Variants in CHRNB3 observed in about 807,000 individuals in gnomAD.
The protein encoded by CHRNB3 is cholinergic receptor nicotinic beta 3 subunit.
CHRNB3 carries 37 observed loss-of-function variants against 40.6 expected under a neutral mutation model. That is an observed-to-expected ratio of 0.91 (90% CI 0.70 to 1.20). The LOEUF (loss-of-function observed/expected upper bound fraction) is 1.20, where lower values mean the gene tolerates loss of function less well. Among genes scored for constraint, CHRNB3 ranks in the 50% most tolerant of loss-of-function variants. The probability of loss-of-function intolerance (pLI) is 0.00; values close to 1 mark genes in which losing one functional copy is unlikely to be tolerated. For missense variants in CHRNB3, 505 were observed against 551.2 expected (o/e 0.92, Z 0.84); for synonymous variants, 207 against 207.1 (o/e 1.00, Z 0.00).
At chr8:42,709,406 GAAGAAAC>G (rs1470889491) in intron 2 of CHRNB3, among the ~76,000 whole-genome samples, 1,674 of 152,130 alleles carry the variant, frequency 0.011, 34 homozygotes, top group African/African-American at 0.039. Flanking sequence ...TGTGTTCTTA[GAAGAAAC>G]CAGTGAACTT....
chr8:42,726,920 G>A (rs1370012786), intron 3 of CHRNB3, among the ~76,000 whole-genome samples: 1 of 152,130 alleles, frequency 6.6e-6, no homozygotes. Context: ...CCTGGGCCAG[G>A]AGAATCTATA....
rs375375959 is a variant in CHRNB3 at position 42,708,833 on chromosome 8, T to C, written c.169T>C (p.Tyr57His). The C allele has an allele frequency of 3.7e-6, 6 of 1,613,542 alleles. No individual in the cohort carries two copies. The African/African-American group carries it at 8.0e-5, about 22-fold the overall frequency. Residue 57 changes from tyrosine (Y) to histidine (H), a missense_variant, in exon 2 of 6, where the codon TAT becomes CAT. By Grantham distance (83) the Tyr-to-His change is moderately conservative. Transcript: ENST00000289957. ...ACATTCTAATGACACCATAAAAGTA[T>C]ATTTTGGATTGAAAATATCCCAGCT... ...VLHSNDTIKV[Y>H]FGLKISQLVD...
In CHRNB3 at chr8:42,710,424, G is replaced by T. The variant is rs1815995344; in HGVS notation, c.239G>T (p.Trp80Leu). The T allele has an allele frequency of 6.2e-7, 1 of 1,609,756 alleles. No individual in the cohort carries two copies. The highest frequency in any genetic ancestry group is 1.1e-5 in the South Asian group (1 of 90,206). ...EKNQLMTTNV[W>L]LKQEWTDHKL... ...AATCAGCTGATGACAACCAATGTGT[G>T]GCTCAAACAGGTAAATTTCAATCCA... Residue 80 changes from tryptophan (W) to leucine (L), a missense_variant, in exon 3 of 6, where the codon TGG (tryptophan) becomes TTG (leucine). Coordinates refer to ENST00000289957, the MANE Select transcript of CHRNB3 (RefSeq NM_000749.5).
intron 1 of CHRNB3, among the ~76,000 whole-genome samples, chr8:42,706,363 C>G (rs1362686538): frequency 6.6e-6 from 1 of 152,024 alleles, no homozygotes; most frequent in African/African-American, 2.4e-5. Flanking sequence ...GATGGGAAAC[C>G]ATCTGGAGCG....
At chr8:42,727,038 T>C (rs7818409) in intron 3 of CHRNB3, among the ~76,000 whole-genome samples, 8,731 of 152,176 alleles carry the variant, frequency 0.057, 335 homozygotes, top group Middle Eastern at 0.11. Context: ...AAAATTTGCC[T>C]AAAGCTATAA....
At chr8:42,725,831 CT>C (rs1368056737) in intron 3 of CHRNB3, 1 of 821,902 alleles carries the variant, frequency 1.2e-6, no homozygotes, top group Non-Finnish European at 2.1e-6. Context: ...TAAGTTTCCA[CT>C]ATACGCAGCA....
At chr8:42,712,425 T>C (rs969282065) in intron 3 of CHRNB3, among the ~76,000 whole-genome samples, 10 of 152,190 alleles carry the variant, frequency 6.6e-5, no homozygotes, top group African/African-American at 2.4e-4. Context: ...CAGCTTCATT[T>C]CATGTCATCA....
intron 3 of CHRNB3, among the ~76,000 whole-genome samples, chr8:42,719,117 G>T (rs1447812928): frequency 6.6e-6 from 1 of 152,150 alleles, no homozygotes; most frequent in Non-Finnish European, 1.5e-5. Flanking sequence ...CCCTAAGAAG[G>T]GAGAGACAGG....
intron 1 of CHRNB3, 130 bp from the exon 2 acceptor site, chr8:42,708,587 C>A: frequency 1.0e-6 from 1 of 982,792 alleles, no homozygotes. Flanking sequence ...AGTTGCCTTT[C>A]AGGAACTGGG....
At chr8:42,718,403 G>A (rs1243000297) in intron 3 of CHRNB3, among the ~76,000 whole-genome samples, 1 of 152,108 alleles carries the variant, frequency 6.6e-6, no homozygotes, top group African/African-American at 2.4e-5. Flanking sequence ...GCCGAGCATG[G>A]TGGCTCACAC....
At chr8:42,705,510 C>A (rs1396424336) in intron 1 of CHRNB3, 3 of 152,292 alleles carry the variant, frequency 2.0e-5, no homozygotes, top group African/African-American at 7.2e-5. Context: ...TCTCTCACCC[C>A]CTCTTTGCCC....
At chr8:42,709,722 C>A (rs531242345) in intron 2 of CHRNB3, among the ~76,000 whole-genome samples, 1 of 152,314 alleles carries the variant, frequency 6.6e-6, no homozygotes, top group South Asian at 2.1e-4. Flanking sequence ...ACCTCCGTTT[C>A]CCAGGTTCAA....
rs575243586 is a variant in CHRNB3 at position 42,716,119 on chromosome 8, G to A, written c.249+5685G>A. On this transcript the variant is annotated intron_variant, in intron 3 of 5. Coordinates refer to ENST00000289957, the MANE Select transcript of CHRNB3 (RefSeq NM_000749.5). The stretch of plus-strand genomic sequence containing the variant: ...GCCTCCCGAGTAGCTGGGATTAAAG[G>A]CGCCGGCCACCATGCCCAGCTAATT... Among the ~76,000 whole-genome samples, 6 of 151,960 alleles carry A rather than the reference G, an allele frequency of 3.9e-5. No homozygotes were observed. The South Asian group carries it at 1.0e-3, about 26-fold the overall frequency.
chr8:42,697,518 G>A lies in CHRNB3; in HGVS notation c.-29G>A. 1 of 1,603,314 alleles carries A rather than the reference G, an allele frequency of 6.2e-7. No homozygotes were observed. Among genetic ancestry groups the A allele is most frequent in the Non-Finnish European group, 8.5e-7 (1 of 1,170,464 alleles). The stretch of plus-strand genomic sequence containing the variant: ...GAAATGCTCTGTTGTTAAAAAGGAA[G>A]AAACTGTCTTTCTGAAACTGACATC... On this transcript the variant is annotated 5_prime_UTR_variant, in exon 1 of 6. Coordinates refer to ENST00000289957, the MANE Select transcript of CHRNB3 (RefSeq NM_000749.5).
chr8:42,697,406 A>G lies in CHRNB3; in HGVS notation c.-141A>G. On this transcript the variant is annotated 5_prime_UTR_variant, in exon 1 of 6. Coordinates refer to ENST00000289957, the MANE Select transcript of CHRNB3 (RefSeq NM_000749.5). ...CGGCGAGAGGGGTTGAGATTGTTTT[A>G]TTCCACTCCAGGTGTTGCTGTCCTC... 1 of 664,916 alleles carries G rather than the reference A, an allele frequency of 1.5e-6. No individual in the cohort carries two copies. The highest frequency in any genetic ancestry group is 1.8e-5 in the South Asian group (1 of 56,204). The allele number at this position is 664,916 out of a possible 1,614,324, so 41.2% of individuals were successfully genotyped here.
chr8:42,728,696 G>A (rs763298623), intron 3 of CHRNB3, among the ~76,000 whole-genome samples: 27 of 152,144 alleles, frequency 1.8e-4, no homozygotes, highest in Non-Finnish European at 3.1e-4. Context: ...GGCTGGAAAT[G>A]CAGGAGGGGT....
In CHRNB3 at chr8:42,726,028, T is replaced by G. The variant is rs1371176247; in HGVS notation, c.250-4566T>G. ...GTTTCACTTCTAGTCGTCTGAGACG[T>G]ACCTTGTCACGTTTCTGTCACCAGG... On this transcript the variant is annotated intron_variant, in intron 3 of 5. Transcript: ENST00000289957. 4.1e-6 allele frequency: 4 copies of G among 986,060 alleles called. No individual in the cohort carries two copies. In the Admixed American group the frequency reaches 7.1e-5, roughly 17 times the overall value. The allele number at this position is 986,060 out of a possible 1,614,324, so 61.1% of individuals were successfully genotyped here. A position where few individuals can be genotyped will look rare whatever the true frequency, so the allele number is the denominator to read the frequency against.
At chr8:42,735,383 C>A (rs929373003) in intron 5 of CHRNB3, among the ~76,000 whole-genome samples, 4 of 151,156 alleles carry the variant, frequency 2.6e-5, no homozygotes, top group Non-Finnish European at 5.9e-5. Flanking sequence ...ACTAAAAATA[C>A]AAAAATTAGC....
intron 3 of CHRNB3, among the ~76,000 whole-genome samples, chr8:42,718,231 T>A (rs62518187): frequency 0.057 from 8,717 of 152,172 alleles, 339 homozygotes; most frequent in Middle Eastern, 0.11. Context: ...TTAAGATTAA[T>A]ATGAATCAAC....
Sources: allele counts gnomAD v4.1 joint callset (sites outside exome capture counted in the v4.1 genomes callset), GRCh38; gene constraint gnomAD v4.1.1; transcripts MANE v1.5; gene names NCBI Gene and HGNC (gene_info 2026-07-23, HGNC 2026-07-21).